Variants in LRPPRC observed in about 807,000 individuals in gnomAD.
LRPPRC encodes leucine rich pentatricopeptide repeat containing.
In LRPPRC, 120 loss-of-function variants were observed where a neutral mutation model predicts 180.3. That is an observed-to-expected ratio of 0.67 (90% CI 0.57 to 0.77). LRPPRC has a LOEUF of 0.77. LRPPRC is among the 30% of genes least tolerant of loss of function. LRPPRC has a pLI of 0.00. For synonymous variants in LRPPRC, 723 were observed against 600.0 expected (o/e 1.21, Z -3.00); for missense variants, 2,012 against 1,657.2 (o/e 1.21, Z -3.72).
Position 43,946,238 on chromosome 2 carries a change from C to G in LRPPRC, c.2085G>C (p.Met695Ile). Reference sequence around the variant, plus strand: ...TTGCTTTCAATTCAAGGGCTTTTTGCATATTCTAAAATACAGCATAGATGT... The same window carrying G: ...TTGCTTTCAATTCAAGGGCTTTTTGGATATTCTAAAATACAGCATAGATGT... ...LILVLCSEEN[M>I]QKALELKAKY... Residue 695 changes from methionine (M) to isoleucine (I), a missense_variant, in exon 21 of 38, where the codon ATG (methionine) becomes ATC (isoleucine). Met to Ile is a conservative substitution (Grantham distance 10). Transcript: ENST00000260665. 6.2e-7 allele frequency: 1 copy of G among 1,610,188 alleles called. No individual in the cohort carries two copies. The highest frequency in any genetic ancestry group is 8.5e-7 in the Non-Finnish European group (1 of 1,176,894).
At position 43,982,437 on chromosome 2, in the gene LRPPRC, A is replaced by T. The variant is rs758397225; in HGVS notation, c.150-3T>A. 1 of 1,606,228 alleles carries T rather than the reference A, an allele frequency of 6.2e-7. No homozygotes were observed. The highest frequency in any genetic ancestry group is 8.5e-7 in the Non-Finnish European group (1 of 1,173,018). On this transcript the variant is annotated splice_region_variant and splice_polypyrimidine_tract_variant and intron_variant, in intron 1 of 37. Coordinates refer to ENST00000260665, the MANE Select transcript of LRPPRC (RefSeq NM_133259.4). ...GCCTGGCTGGGCTCAGTAGTCCTCT[A>T]AAAAATGAAACATAATTAATAATAA...
At chr2:43,993,069 A>C (rs1261078673) in intron 1 of LRPPRC, among the ~76,000 whole-genome samples, 1 of 152,232 alleles carries the variant, frequency 6.6e-6, no homozygotes, top group Non-Finnish European at 1.5e-5. Flanking sequence ...AAGAGAAGAG[A>C]ACCTAGAAAA....
intron 36 of LRPPRC, among the ~76,000 whole-genome samples, chr2:43,893,715 C>T (rs1670579131): frequency 6.6e-6 from 1 of 152,070 alleles, no homozygotes. Flanking sequence ...CCATATCTTC[C>T]AGGTATGCCT....
At chr2:43,889,373 A>G (rs1312535133) in intron 37 of LRPPRC, among the ~76,000 whole-genome samples, 6 of 151,666 alleles carry the variant, frequency 4.0e-5, no homozygotes. Flanking sequence ...ATAAAAACCA[A>G]CTTATGTAAA....
intron 7 of LRPPRC, among the ~76,000 whole-genome samples, 156 bp downstream of exon 7, chr2:43,974,935 G>A (rs902228158): frequency 2.0e-5 from 3 of 151,296 alleles, no homozygotes; most frequent in East Asian, 1.9e-4. Flanking sequence ...TACCAGCACC[G>A]AGATACTAAA....
intron 27 of LRPPRC, among the ~76,000 whole-genome samples, chr2:43,924,188 AAAG>A (rs559061897): frequency 1.3e-3 from 199 of 152,194 alleles, no homozygotes; most frequent in Non-Finnish European, 1.9e-3. Flanking sequence ...TGCCAAGAGA[AAAG>A]AAGAACAATA....
rs751680548 is a variant in LRPPRC, at chr2:43,905,718, G to C, written c.3338C>G (p.Thr1113Arg). The change falls in exon 31 of 38, where the codon ACG becomes AGG. Residue 1113 changes from threonine to arginine, a missense_variant. Physicochemically the swap from Thr to Arg is moderately conservative, Grantham distance 71. Coordinates refer to ENST00000260665, the MANE Select transcript of LRPPRC (RefSeq NM_133259.4). ...NDAANSRLIITQVRRDYLKEA... is the reference protein window; with the variant it reads ...NDAANSRLIIRQVRRDYLKEA... ...TTTCAAATAATCCCGCCTAACTTGC[G>C]TTATGATGAGGCGGCTGTTGGCAGC... is the stretch of plus-strand genomic sequence containing the variant. 3.7e-6 allele frequency: 6 copies of C among 1,613,704 alleles called. No homozygotes were observed. Among genetic ancestry groups the C allele is most frequent in the Admixed American group, 1.7e-5 (1 of 60,006 alleles).
rs35035668 is a variant in LRPPRC at position 43,963,644 on chromosome 2, T to C, written c.1432A>G (p.Thr478Ala). ...LGVHPDQETYTDYVIPCFDSV... is the reference protein window; with the variant it reads ...LGVHPDQETYADYVIPCFDSV... ...TCAAAGCATGGAATCACATAATCTG[T>C]ATATGTTTCCTGATCAGGATGTACT... Residue 478 changes from threonine to alanine, a missense_variant, in exon 12 of 38, where the codon ACA (threonine) becomes GCA (alanine). By Grantham distance (58) the Thr-to-Ala change is moderately conservative. Coordinates refer to ENST00000260665, the MANE Select transcript of LRPPRC (RefSeq NM_133259.4). 3.6e-3 allele frequency: 5,847 copies of C among 1,612,766 alleles called. 162 individuals are homozygous for C. In the African/African-American group the frequency reaches 0.06, roughly 16 times the overall value.
intron 30 of LRPPRC, among the ~76,000 whole-genome samples, chr2:43,908,636 CT>C (rs35390780): frequency 0.51 from 77,384 of 151,642 alleles, 21,272 homozygotes; most frequent in East Asian, 0.95. Flanking sequence ...GTTCTCCTGC[CT>C]TGGCCTCCTG....
At chr2:43,926,518 C>A (rs186834514) in intron 25 of LRPPRC, among the ~76,000 whole-genome samples, 1 of 152,070 alleles carries the variant, frequency 6.6e-6, no homozygotes. Flanking sequence ...CAGGTGTGTG[C>A]CACCACACCT....
At chr2:43,960,667 T>G (rs768126633) in intron 12 of LRPPRC, 33 bp from the exon 13 acceptor site, 1 of 978,422 alleles carries the variant, frequency 1.0e-6, no homozygotes, top group Non-Finnish European at 1.7e-6. Flanking sequence ...TGAGAATACA[T>G]CTCAGCTAAC....
chr2:43,976,511 CAT>C (rs1041954619), intron 5 of LRPPRC, among the ~76,000 whole-genome samples: 5 of 151,914 alleles, frequency 3.3e-5, no homozygotes, highest in African/African-American at 1.2e-4. Flanking sequence ...CTTTTAAAAG[CAT>C]AGTTTCATAA....
chr2:43,988,721 T>C (rs1285813685), intron 1 of LRPPRC, among the ~76,000 whole-genome samples: 1 of 152,082 alleles, frequency 6.6e-6, no homozygotes. Flanking sequence ...TTGTTATTTT[T>C]TTCAGTAGAA....
intron 23 of LRPPRC, among the ~76,000 whole-genome samples, chr2:43,937,729 ACT>A (rs1481503013): frequency 6.6e-6 from 1 of 152,068 alleles, no homozygotes; most frequent in Non-Finnish European, 1.5e-5. Flanking sequence ...AGGTTCTATG[ACT>A]CTGTGCTTAT....
At chr2:43,969,431 A>C (rs141611975) in intron 11 of LRPPRC, among the ~76,000 whole-genome samples, 307 of 151,766 alleles carry the variant, frequency 2.0e-3, no homozygotes, top group African/African-American at 6.3e-3. Flanking sequence ...AAAAGAAACC[A>C]AGTCTCTTAA....
chr2:43,975,631 G>A (rs1674021018), intron 6 of LRPPRC, among the ~76,000 whole-genome samples: 1 of 150,964 alleles, frequency 6.6e-6, no homozygotes, highest in Non-Finnish European at 1.5e-5. Flanking sequence ...CTCCCAGGCT[G>A]GAGTGCAATG....
chr2:43,940,700 C>T (rs1384932218), intron 23 of LRPPRC, among the ~76,000 whole-genome samples: 2 of 152,062 alleles, frequency 1.3e-5, no homozygotes, highest in Admixed American at 6.5e-5. Context: ...AACAAGTGAA[C>T]CTGAAACTGC....
intron 23 of LRPPRC, among the ~76,000 whole-genome samples, chr2:43,942,135 G>A (rs771192083): frequency 2.6e-5 from 4 of 151,948 alleles, no homozygotes; most frequent in African/African-American, 9.7e-5. Context: ...GACCTCTTTC[G>A]GAAAGCTTTC....
In LRPPRC at chr2:43,948,162, C is replaced by A. The variant is rs373011028; in HGVS notation, c.1880G>T (p.Arg627Leu). 1.4e-5 allele frequency: 23 copies of A among 1,606,918 alleles called. No individual in the cohort carries two copies. The highest frequency in any genetic ancestry group is 1.6e-4 in the Middle Eastern group (1 of 6,070). ...KIPENIYRGIRNLLESYHVPE... is the reference protein window; with the variant it reads ...KIPENIYRGILNLLESYHVPE... ...AACATGGTAGCTTTCCAGGAGATTA[C>A]GAATGCCTCTGTAGATATTTTCAGG... Residue 627 changes from arginine (R) to leucine (L), a missense_variant, in exon 18 of 38, where the codon CGT becomes CTT. Arg to Leu is a moderately radical substitution (Grantham distance 102, BLOSUM62 -2). Coordinates refer to ENST00000260665, the MANE Select transcript of LRPPRC (RefSeq NM_133259.4).
Sources: allele counts gnomAD v4.1 joint callset (sites outside exome capture counted in the v4.1 genomes callset), GRCh38; gene constraint gnomAD v4.1.1; transcripts MANE v1.5; gene names NCBI Gene and HGNC (gene_info 2026-07-23, HGNC 2026-07-21).